The following LPAR1 variants were observed in gnomAD, a reference collection of about 807,000 sequenced individuals.
LPAR1 encodes LPA receptor 1.
In LPAR1, 5 loss-of-function variants were observed where a neutral mutation model predicts 23.8. The observed-to-expected ratio is 0.21, with a 90% CI of 0.11 to 0.44. LPAR1 has a LOEUF of 0.44. LPAR1 is among the 20% of genes least tolerant of loss of function. The pLI, the probability that LPAR1 is intolerant of heterozygous loss-of-function variation, is 0.99. For synonymous variants in LPAR1, 160 were observed against 164.7 expected (o/e 0.97, Z 0.22); for missense variants, 311 against 482.8 (o/e 0.64, Z 3.33).
intron 5 of LPAR1, among the ~76,000 whole-genome samples, chr9:110,902,750 G>A (rs903755987): frequency 6.6e-6 from 1 of 152,134 alleles, no homozygotes; most frequent in Non-Finnish European, 1.5e-5. Context: ...ACAAAAAAAG[G>A]CTCCACCTGG....
At chr9:110,914,091 G>A (rs1028825597) in intron 5 of LPAR1, among the ~76,000 whole-genome samples, 7 of 152,264 alleles carry the variant, frequency 4.6e-5, no homozygotes, top group Non-Finnish European at 1.0e-4. Flanking sequence ...CTTCCCAGGA[G>A]AAAGCAAGCT....
chr9:110,911,352 G>C (rs2092403498), intron 5 of LPAR1, among the ~76,000 whole-genome samples: 1 of 152,060 alleles, frequency 6.6e-6, no homozygotes. Context: ...TTTGAGACAA[G>C]CCTGGGCAAC....
At chr9:110,975,872 T>C (rs1437094727) in intron 2 of LPAR1, among the ~76,000 whole-genome samples, 1 of 152,244 alleles carries the variant, frequency 6.6e-6, no homozygotes, top group African/African-American at 2.4e-5. Flanking sequence ...TTGTTGAACC[T>C]ATTCACACAT....
intron 5 of LPAR1, among the ~76,000 whole-genome samples, chr9:110,937,686 C>G (rs181871491): frequency 1.3e-5 from 2 of 152,282 alleles, no homozygotes; most frequent in African/African-American, 4.8e-5. Flanking sequence ...TAAAAACCAG[C>G]CATTGGTATT....
chr9:111,006,010 T>A (rs968068916), intron 2 of LPAR1, among the ~76,000 whole-genome samples: 5 of 152,162 alleles, frequency 3.3e-5, no homozygotes, highest in Non-Finnish European at 7.4e-5. Context: ...GCCAGCACTA[T>A]AATTATTTTT....
chr9:111,012,689 TG>T (rs1480463792), intron 2 of LPAR1, among the ~76,000 whole-genome samples: 1 of 152,094 alleles, frequency 6.6e-6, no homozygotes, highest in Non-Finnish European at 1.5e-5. Flanking sequence ...ATGGGGCTGA[TG>T]GGGCAAAATA....
intron 5 of LPAR1, among the ~76,000 whole-genome samples, chr9:110,918,094 G>A (rs2093343348): frequency 6.6e-6 from 1 of 151,854 alleles, no homozygotes. Context: ...TTGTTTGTTT[G>A]TTTTTTTGTA....
At chr9:110,957,315 A>C (rs1002570940) in intron 4 of LPAR1, among the ~76,000 whole-genome samples, 1 of 149,374 alleles carries the variant, frequency 6.7e-6, no homozygotes, top group African/African-American at 2.5e-5. Flanking sequence ...ACTCCAACCT[A>C]GGTGATAGAG....
At chr9:111,013,503 C>G (rs10739312) in intron 2 of LPAR1, among the ~76,000 whole-genome samples, 96,950 of 151,986 alleles carry the variant, frequency 0.64, 31,951 homozygotes, top group African/African-American at 0.8. Flanking sequence ...ATTCAGCAAA[C>G]CATGTTCTGA....
At chr9:110,976,984 G>C (rs1189996908) in intron 2 of LPAR1, among the ~76,000 whole-genome samples, 1 of 152,100 alleles carries the variant, frequency 6.6e-6, no homozygotes, top group Non-Finnish European at 1.5e-5. Context: ...GAAATGACCA[G>C]TTGATTATAA....
chr9:110,981,328 G>A (rs2096661684), intron 2 of LPAR1, among the ~76,000 whole-genome samples: 2 of 152,054 alleles, frequency 1.3e-5, no homozygotes, highest in Admixed American at 1.3e-4. Context: ...CTGCCAGTAT[G>A]ACCTTGGGCA....
intron 5 of LPAR1, among the ~76,000 whole-genome samples, chr9:110,895,258 C>A (rs2085906177): frequency 6.6e-6 from 1 of 152,184 alleles, no homozygotes; most frequent in African/African-American, 2.4e-5. Flanking sequence ...CCTGGGAAGA[C>A]AGGGTGTACT....
chr9:111,002,475 C>T (rs2097145399), intron 2 of LPAR1, among the ~76,000 whole-genome samples: 1 of 152,140 alleles, frequency 6.6e-6, no homozygotes, highest in Non-Finnish European at 1.5e-5. Context: ...ACAGACACTA[C>T]TCATGGGGTG....
chr9:110,987,794 C>G (rs1326947917), intron 2 of LPAR1, among the ~76,000 whole-genome samples: 1 of 151,634 alleles, frequency 6.6e-6, no homozygotes, highest in South Asian at 2.1e-4. Context: ...CTGCATTGTT[C>G]GTGGGTCAAC....
chr9:110,976,148 T>G (rs901656167), intron 2 of LPAR1, among the ~76,000 whole-genome samples: 1 of 152,046 alleles, frequency 6.6e-6, no homozygotes, highest in Non-Finnish European at 1.5e-5. Context: ...AACCCCCGCC[T>G]TACCAGAGCC....
chr9:110,931,744 A>T (rs1174993925), intron 5 of LPAR1, among the ~76,000 whole-genome samples: 1 of 152,248 alleles, frequency 6.6e-6, no homozygotes, highest in Non-Finnish European at 1.5e-5. Flanking sequence ...ACATATGGCT[A>T]GCCAGTTTTC....
At chr9:110,996,492 A>G (rs2097009721) in intron 2 of LPAR1, among the ~76,000 whole-genome samples, 1 of 152,208 alleles carries the variant, frequency 6.6e-6, no homozygotes, top group Admixed American at 6.6e-5. Context: ...CTAAACTGAT[A>G]TTCCCTAAAA....
chr9:110,926,000 A>C (rs2093997992), intron 5 of LPAR1, among the ~76,000 whole-genome samples: 1 of 152,044 alleles, frequency 6.6e-6, no homozygotes, highest in East Asian at 1.9e-4. Flanking sequence ...GGCTCACTGC[A>C]AGCTCTGCCT....
chr9:110,969,567 C>T (rs941876235), intron 4 of LPAR1, among the ~76,000 whole-genome samples: 3 of 151,886 alleles, frequency 2.0e-5, no homozygotes, highest in African/African-American at 7.3e-5. Flanking sequence ...CAGAAATTAA[C>T]CAGGCATGGA....
Sources: gnomAD v4.1 joint callset for allele counts (sites outside exome capture counted in the v4.1 genomes callset) on GRCh38, gnomAD v4.1.1 for gene constraint, MANE v1.5 for transcripts, NCBI Gene and HGNC (gene_info 2026-07-23, HGNC 2026-07-21) for gene names.